The following ANKRD44 variants were observed in gnomAD, a reference collection of about 807,000 sequenced individuals.
ANKRD44 encodes ankyrin repeat domain 44, also known as serine/threonine-protein phosphatase 6 regulatory ankyrin repeat subunit B.
Under a neutral mutation model 116.0 loss-of-function variants are expected in ANKRD44, and 35 were observed. That is an observed-to-expected ratio of 0.30 (90% CI 0.23 to 0.40). ANKRD44 has a LOEUF of 0.40. ANKRD44 is among the 10% of genes least tolerant of loss of function. ANKRD44 has a pLI of 1.00. For synonymous variants in ANKRD44, 435 were observed against 461.8 expected (o/e 0.94, Z 0.74); for missense variants, 1,014 against 1,242.6 (o/e 0.82, Z 2.77).
At chr2:197,067,165 C>G (rs916754343) in intron 16 of ANKRD44, among the ~76,000 whole-genome samples, 42 of 152,030 alleles carry the variant, frequency 2.8e-4, no homozygotes, top group Middle Eastern at 6.8e-3. Context: ...ACAAACCTGA[C>G]AAAAACAAGC....
At chr2:197,113,834 TGCCTGGGTTCATCTATA>T (rs1431972562) in intron 8 of ANKRD44, among the ~76,000 whole-genome samples, 2 of 152,224 alleles carry the variant, frequency 1.3e-5, no homozygotes, top group African/African-American at 4.8e-5. Context: ...TGCAGATCTT[TGCCTGGGTTCATCTATA>T]GCCTGAGTCC....
intron 1 of ANKRD44, among the ~76,000 whole-genome samples, chr2:197,272,513 G>A (rs182260604): frequency 1.3e-5 from 2 of 152,360 alleles, no homozygotes; most frequent in African/African-American, 4.8e-5. Flanking sequence ...TGGGATTACA[G>A]GCGTGAGCCA....
chr2:197,202,695 T>A lies in ANKRD44; in HGVS notation c.28-15589A>T, dbSNP rs554303648. Among the ~76,000 whole-genome samples the A allele has an allele frequency of 3.9e-5, 6 of 152,172 alleles. No individual in the cohort carries two copies. The South Asian group carries it at 1.2e-3, about 32-fold the overall frequency. On this transcript the variant is annotated intron_variant, in intron 1 of 27. Transcript: ENST00000282272. ...GTCAGGTGAGCCTCCCCCATCAGCC[T>A]CCCAAATAGCTGGGACTACAGGTGT...
chr2:197,029,553 C>T (rs1486787124), intron 16 of ANKRD44: 1 of 478,978 alleles, frequency 2.1e-6, no homozygotes, highest in Non-Finnish European at 4.2e-6. Flanking sequence ...CAGAAACATC[C>T]CACATGCCCA....
At chr2:197,020,180 A>ACAT (rs1289183336) in intron 17 of ANKRD44, among the ~76,000 whole-genome samples, 1 of 152,108 alleles carries the variant, frequency 6.6e-6, no homozygotes, top group Non-Finnish European at 1.5e-5. Context: ...AGGAGTGCCT[A>ACAT]CATCAGTGTG....
At chr2:197,160,734 T>C (rs952059171) in intron 2 of ANKRD44, among the ~76,000 whole-genome samples, 3 of 152,186 alleles carry the variant, frequency 2.0e-5, no homozygotes, top group Non-Finnish European at 4.4e-5. Context: ...TCCCATCCAG[T>C]CTCAATATCT....
chr2:197,147,734 T>C (rs1559103244), intron 2 of ANKRD44: 1 of 305,750 alleles, frequency 3.3e-6, no homozygotes, highest in Non-Finnish European at 6.6e-6. Flanking sequence ...GACAATAGTA[T>C]ACTAGACAAT....
At chr2:197,233,696 A>T (rs574310643) in intron 1 of ANKRD44, among the ~76,000 whole-genome samples, 34 of 152,334 alleles carry the variant, frequency 2.2e-4, no homozygotes, top group Admixed American at 1.2e-3. Flanking sequence ...CAATAGCTCA[A>T]GTTTAACCTC....
intron 1 of ANKRD44, chr2:197,251,122 T>G (rs1449033840): frequency 2.6e-5 from 4 of 152,256 alleles, no homozygotes; most frequent in Non-Finnish European, 5.9e-5. Context: ...AACAAAGATG[T>G]TTATTTCTTG....
rs1054973056 is a variant in ANKRD44 at position 197,203,553 on chromosome 2, C to T, written c.28-16447G>A. Among the ~76,000 whole-genome samples the T allele has an allele frequency of 2.0e-5, 3 of 152,168 alleles. No individual in the cohort carries two copies. Among genetic ancestry groups the T allele is most frequent in the African/African-American group, 7.2e-5 (3 of 41,440 alleles). The stretch of plus-strand genomic sequence containing the variant: ...TTAGCTATTTAGCTTGGTAGTTCCT[C>T]AATAAGTTAAACATGGAATTACCAT... On this transcript the variant is annotated intron_variant, in intron 1 of 27. Coordinates refer to ENST00000282272, the MANE Select transcript of ANKRD44 (RefSeq NM_001195144.2). The surrounding 1 kb of genome is among the most constrained non-coding windows in gnomAD (Gnocchi z 4.1).
At chr2:197,161,124 T>C (rs1297097753) in intron 2 of ANKRD44, among the ~76,000 whole-genome samples, 2 of 152,214 alleles carry the variant, frequency 1.3e-5, no homozygotes, top group African/African-American at 4.8e-5. Context: ...TGGAGTATTC[T>C]GCTTAGTGAG....
chr2:197,221,346 T>A (rs1465754190), intron 1 of ANKRD44, among the ~76,000 whole-genome samples: 5 of 151,930 alleles, frequency 3.3e-5, no homozygotes, highest in Non-Finnish European at 7.4e-5. Flanking sequence ...GGAGTGATCA[T>A]AGCTAACTGT....
At chr2:197,063,621 G>A (rs1339743674) in intron 16 of ANKRD44, among the ~76,000 whole-genome samples, 1 of 152,164 alleles carries the variant, frequency 6.6e-6, no homozygotes, top group African/African-American at 2.4e-5. Context: ...ACCTGATGGA[G>A]CTGAAAACCA....
chr2:197,210,760 C>G (rs60347682), intron 1 of ANKRD44, among the ~76,000 whole-genome samples: 3,294 of 152,234 alleles, frequency 0.022, 119 homozygotes, highest in African/African-American at 0.075. Context: ...TATCATTCCT[C>G]CCTTATGGAG....
chr2:197,170,620 C>T (rs10190087), intron 2 of ANKRD44, among the ~76,000 whole-genome samples: 5,098 of 152,236 alleles, frequency 0.033, 307 homozygotes, highest in African/African-American at 0.12. Context: ...TAATGCTAAA[C>T]ACATTTTCAT....
At chr2:197,029,650 T>C (rs898496914) in intron 16 of ANKRD44, 9 of 329,726 alleles carry the variant, frequency 2.7e-5, no homozygotes, top group South Asian at 2.1e-4. Context: ...CATGGTACCA[T>C]TATCCTCATT....
At chr2:197,284,608 A>T (rs1017979071) in intron 1 of ANKRD44, among the ~76,000 whole-genome samples, 1 of 152,070 alleles carries the variant, frequency 6.6e-6, no homozygotes, top group Non-Finnish European at 1.5e-5. Flanking sequence ...TATTAGAGCC[A>T]GGCGTGGTGG....
intron 16 of ANKRD44, among the ~76,000 whole-genome samples, chr2:197,069,241 T>C (rs1332580206): frequency 2.1e-4 from 32 of 152,082 alleles, no homozygotes; most frequent in Admixed American, 1.3e-3. Flanking sequence ...TAGGTGGGAA[T>C]TGAACAATGA....
At chr2:197,162,915 T>C (rs2080003528) in intron 2 of ANKRD44, among the ~76,000 whole-genome samples, 2 of 152,246 alleles carry the variant, frequency 1.3e-5, no homozygotes, top group East Asian at 3.8e-4. Context: ...TATCAAAGCC[T>C]ATGCCACAAT....
Sources: allele counts gnomAD v4.1 joint callset (sites outside exome capture counted in the v4.1 genomes callset), GRCh38; gene constraint gnomAD v4.1.1; non-coding constraint Gnocchi (gnomAD v3.1); transcripts MANE v1.5; gene names NCBI Gene and HGNC (gene_info 2026-07-23, HGNC 2026-07-21).